C20orf173: variants seen among roughly 807,000 people sequenced by gnomAD.
C20orf173 encodes chromosome 20 open reading frame 173.
C20orf173 carries 22 observed loss-of-function variants against 26.7 expected under a neutral mutation model. The ratio of observed to expected loss-of-function variants is 0.82; its 90% CI spans 0.59 to 1.18. The LOEUF (loss-of-function observed/expected upper bound fraction) is 1.18. Ranked by LOEUF, C20orf173 falls within the 50% of genes most tolerant of loss-of-function variation. The probability of loss-of-function intolerance (pLI) is 0.00; values close to 1 mark genes in which losing one functional copy is unlikely to be tolerated. For synonymous variants in C20orf173, 85 were observed against 96.4 expected, an observed-to-expected ratio of 0.88 and a Z score of 0.69; for missense variants, 210 against 250.3, an observed-to-expected ratio of 0.84 and a Z score of 1.09.
downstream of C20orf173, among the ~76,000 whole-genome samples, chr20:35,524,558 A>G (rs1463264226): frequency 6.6e-6 from 1 of 152,176 alleles, no homozygotes; most frequent in African/African-American, 2.4e-5. Flanking sequence ...CTCATCCATC[A>G]TATTGGATGG....
Position 35,529,205 on chromosome 20 carries a change from G to A in C20orf173, c.169C>T (p.Pro57Ser). The A allele has an allele frequency of 6.4e-7, 1 of 1,551,650 alleles. No individual in the cohort carries two copies. The highest frequency in any genetic ancestry group is 1.2e-5 in the South Asian group (1 of 84,054). The change falls in exon 2 of 6, where the codon CCT becomes TCT. Residue 57 changes from proline to serine, a missense_variant. Pro to Ser is a moderately conservative substitution (Grantham distance 74, BLOSUM62 -1). Transcript: ENST00000444723. The part of the protein sequence containing the change: ...PWFSSGKCGC[P>S]SETLNCSSCH... ...GAGGAGCAGTTGAGGGTCTCAGAAG[G>A]GCAGCCACACTTCCCGGAACTGAAC...
Position 35,529,110 on chromosome 20 carries a change from C to T in C20orf173, c.264G>A (p.Met88Ile), listed in dbSNP as rs770992298. Residue 88 changes from methionine to isoleucine, a missense_variant, in exon 2 of 6, where the codon ATG (methionine) becomes ATA (isoleucine). Transcript: ENST00000444723. ...CAGAGGTCATAGACTCTCTTGTCCT[C>T]ATCAGGTACCCCATAGTCTTCCTGG... ...ACSRKTMGYL[M>I]RTRESMTSDT... is the part of the protein sequence containing the mutation. The T allele has an allele frequency of 1.9e-6, 3 of 1,551,708 alleles. No individual in the cohort carries two copies. Among genetic ancestry groups the T allele is most frequent in the South Asian group, 1.2e-5 (1 of 84,066 alleles).
chr20:35,528,315 GGC>G (rs1216509988), intron 4 of C20orf173, 31 bp from the exon 5 acceptor site: 1 of 1,551,652 alleles, frequency 6.4e-7, no homozygotes, highest in African/African-American at 1.4e-5. Flanking sequence ...GGGGAGTTTG[GGC>G]CACAAGACCT....
At chr20:35,524,127 C>T (rs1436983141), downstream of C20orf173, among the ~76,000 whole-genome samples, 1 of 152,096 alleles carries the variant, frequency 6.6e-6, no homozygotes, top group Non-Finnish European at 1.5e-5. Context: ...AAATGGTTCT[C>T]TTGCTTCAGT....
downstream of C20orf173, among the ~76,000 whole-genome samples, chr20:35,523,879 G>A (rs553732186): frequency 6.6e-6 from 1 of 152,298 alleles, no homozygotes; most frequent in East Asian, 1.9e-4. Flanking sequence ...GGAGGCCAAG[G>A]CAGGAGGATC....
downstream of C20orf173, chr20:35,522,533 A>G (rs560210667): frequency 3.3e-5 from 5 of 152,824 alleles, no homozygotes; most frequent in African/African-American, 1.2e-4. Flanking sequence ...CATAACGCGC[A>G]TGGTGGTCCT....
chr20:35,529,479 C>A (rs966112498), intron 1 of C20orf173, 55 bp from the exon 2 acceptor site: 2 of 1,090,716 alleles, frequency 1.8e-6, no homozygotes, highest in South Asian at 3.3e-5. Context: ...TCTGTCCTGT[C>A]GGCCTCCACA....
Position 35,527,132 on chromosome 20 carries a change from A to T in C20orf173, c.*144T>A, listed in dbSNP as rs17092750. ...ACACGCTAGCTGATGGATGACTTCG[A>T]TTTCTGCTCCTGCACTAGACGTGGG... On this transcript the variant is annotated 3_prime_UTR_variant, in exon 6 of 6. Coordinates refer to ENST00000444723, the MANE Select transcript of C20orf173 (RefSeq NM_001145350.2). 16,879 of 152,106 alleles carry T rather than the reference A, an allele frequency of 0.11. 1,013 individuals carry two copies. Among genetic ancestry groups the T allele is most frequent in the South Asian group, 0.2 (941 of 4,816 alleles). The allele number at this position is 152,106 out of a possible 1,614,324, so 9.4% of individuals were successfully genotyped here. A position where few individuals can be genotyped will look rare whatever the true frequency, so the allele number is the denominator to read the frequency against.
intron 5 of C20orf173, 103 bp downstream of exon 5, chr20:35,528,130 T>G: frequency 1.0e-6 from 1 of 952,538 alleles, no homozygotes. Flanking sequence ...AGACAGCCAG[T>G]TGTCCTGGTT....
chr20:35,525,975 T>C (rs1601346054), downstream of C20orf173, among the ~76,000 whole-genome samples: 2 of 152,376 alleles, frequency 1.3e-5, no homozygotes, highest in East Asian at 3.9e-4. Context: ...AAAAGTCTGA[T>C]TTTTTATTCT....
At chr20:35,528,955 C>A (rs865795135) in intron 2 of C20orf173, 76 bp from the exon 3 acceptor site, 13 of 1,541,570 alleles carry the variant, frequency 8.4e-6, no homozygotes, top group Middle Eastern at 1.7e-4. Context: ...AGATCTCCAT[C>A]CAGAGGCTGT....
At chr20:35,522,051 C>T (rs989304523), downstream of C20orf173, 6 of 152,636 alleles carry the variant, frequency 3.9e-5, no homozygotes, top group African/African-American at 1.2e-4. Context: ...AGCCAACTTT[C>T]CTGGATATAC....
chr20:35,524,730 C>T (rs1281253712), downstream of C20orf173, among the ~76,000 whole-genome samples: 1 of 143,826 alleles, frequency 7.0e-6, no homozygotes, highest in Non-Finnish European at 1.5e-5. Context: ...CAGAATTTCG[C>T]TCTTGTTGCC....
chr20:35,528,591 C>G lies in C20orf173; in HGVS notation c.489-47G>C, dbSNP rs996888802. 3.9e-6 allele frequency: 6 copies of G among 1,549,212 alleles called. No individual in the cohort carries two copies. The Admixed American group carries it at 7.8e-5, about 20-fold the overall frequency. On this transcript the variant is annotated intron_variant, in intron 3 of 5. Transcript: ENST00000444723. ...GTGTGGTTTGGTTCCCCACGTCCAT[C>G]TCAAAGCCCTGGACTTGGGGCCTGC...
chr20:35,529,316 T>A lies in C20orf173; in HGVS notation c.58A>T (p.Met20Leu). The A allele has an allele frequency of 6.4e-7, 1 of 1,551,152 alleles. No individual in the cohort carries two copies. The highest frequency in any genetic ancestry group is 8.7e-7 in the Non-Finnish European group (1 of 1,146,892). Residue 20 changes from methionine to leucine, a missense_variant, in exon 2 of 6, where the codon ATG becomes TTG. Transcript: ENST00000444723. ...WVFWVLILWL[M>L]TPYLDLTPES... ...GGTGTCAGATCCAGATAGGGGGTCA[T>A]CAGCCAGAGGATGAGCACCCAAAAG...
At chr20:35,523,515 T>A (rs1568859929), downstream of C20orf173, 1 of 152,320 alleles carries the variant, frequency 6.6e-6, no homozygotes, top group Non-Finnish European at 1.5e-5. Flanking sequence ...TGATCACTAC[T>A]GGAACTGCCA....
At chr20:35,526,628 C>CAAAAAA (rs1286748298), downstream of C20orf173, among the ~76,000 whole-genome samples, 1 of 53,548 alleles carries the variant, frequency 1.9e-5, no homozygotes, top group Non-Finnish European at 3.7e-5. Flanking sequence ...ACTCTTGTCT[C>CAAAAAA]AAAAAAAAAA....
At chr20:35,528,600 C>T in intron 3 of C20orf173, 56 bp from the exon 4 acceptor site, 1 of 1,548,760 alleles carries the variant, frequency 6.5e-7, no homozygotes, top group Admixed American at 2.0e-5. Flanking sequence ...TCTCAAAGCC[C>T]TGGACTTGGG....
In C20orf173 at chr20:35,528,250, C is replaced by T. The variant is rs1292554543; in HGVS notation, c.*8G>A. 2.6e-6 allele frequency: 4 copies of T among 1,551,964 alleles called. No individual in the cohort carries two copies. Among genetic ancestry groups the T allele is most frequent in the Non-Finnish European group, 3.5e-6 (4 of 1,147,088 alleles). On this transcript the variant is annotated 3_prime_UTR_variant, in exon 5 of 6. Coordinates refer to ENST00000444723, the MANE Select transcript of C20orf173 (RefSeq NM_001145350.2). The stretch of plus-strand genomic sequence containing the variant: ...CCCCTCACCGTGTCTTTGCTATCTT[C>T]CACTCCACTAGGGAACCAGACCATC...
Sources: gnomAD v4.1 joint callset for allele counts (sites outside exome capture counted in the v4.1 genomes callset) on GRCh38, gnomAD v4.1.1 for gene constraint, MANE v1.5 for transcripts, NCBI Gene and HGNC (gene_info 2026-07-23, HGNC 2026-07-21) for gene names.